The following PDE4D variants were observed in gnomAD, a reference collection of about 807,000 sequenced individuals.
PDE4D encodes 3',5'-cyclic-AMP phosphodiesterase 4D.
PDE4D carries 24 observed loss-of-function variants against 87.4 expected under a neutral mutation model. That is an observed-to-expected ratio of 0.27 (90% CI 0.20 to 0.39). The LOEUF (loss-of-function observed/expected upper bound fraction) is 0.39, where lower values mean the gene tolerates loss of function less well. Among genes scored for constraint, PDE4D ranks in the 10% least tolerant of loss-of-function variants. The pLI is 1.00. For synonymous variants in PDE4D, 384 were observed against 383.2 expected (o/e 1.00, Z -0.02); for missense variants, 714 against 1,041.0 (o/e 0.69, Z 4.32).
chr5:59,656,245 C>T (rs1283499803), intron 1 of PDE4D, among the ~76,000 whole-genome samples: 1 of 152,132 alleles, frequency 6.6e-6, no homozygotes, highest in African/African-American at 2.4e-5. Context: ...ACTTCACATA[C>T]ACATTCACAC....
chr5:59,779,635 C>A (rs1017170828), intron 1 of PDE4D, among the ~76,000 whole-genome samples: 5 of 152,198 alleles, frequency 3.3e-5, no homozygotes, highest in African/African-American at 1.2e-4. Flanking sequence ...ATTTAATGAT[C>A]AATCAGCAAT....
chr5:60,366,479 G>A (rs1242054101), intron 1 of PDE4D, among the ~76,000 whole-genome samples: 1 of 152,144 alleles, frequency 6.6e-6, no homozygotes, highest in African/African-American at 2.4e-5. Context: ...CCACTGAATT[G>A]AAATATATGT....
In PDE4D at chr5:58,974,452, C is replaced by T. The variant is rs1053064868; in HGVS notation, c.*212G>A. ...CTGAAATCTTGTTAAAAACGCTGTTCGTGAAGATGTCCACCTTGCTCGGAT... is the reference window on the plus strand; with the variant it reads ...CTGAAATCTTGTTAAAAACGCTGTTTGTGAAGATGTCCACCTTGCTCGGAT... On this transcript the variant is annotated 3_prime_UTR_variant, in exon 15 of 15. Coordinates refer to ENST00000340635, the MANE Select transcript of PDE4D (RefSeq NM_001104631.2). The T allele has an allele frequency of 2.6e-6, 1 of 385,302 alleles. No homozygotes were observed. The allele number at this position is 385,302 out of a possible 1,614,324, so 23.9% of individuals were successfully genotyped here.
intron 1 of PDE4D, among the ~76,000 whole-genome samples, chr5:59,455,643 C>T (rs1799797983): frequency 6.6e-6 from 1 of 152,204 alleles, no homozygotes; most frequent in East Asian, 1.9e-4. Flanking sequence ...GGGCTACCAT[C>T]CTCCAGATGC....
chr5:59,213,538 C>G (rs923714450), intron 2 of PDE4D, among the ~76,000 whole-genome samples: 5 of 152,090 alleles, frequency 3.3e-5, no homozygotes, highest in South Asian at 2.1e-4. Context: ...TCTCCTGGAG[C>G]CTTCCCTCAG....
chr5:59,832,480 A>T (rs1181038962), intron 1 of PDE4D, among the ~76,000 whole-genome samples: 1 of 152,106 alleles, frequency 6.6e-6, no homozygotes, highest in African/African-American at 2.4e-5. Context: ...CAGTAGCAAC[A>T]TTTACACACT....
At chr5:60,281,910 G>A (rs1751945325) in intron 1 of PDE4D, among the ~76,000 whole-genome samples, 1 of 151,874 alleles carries the variant, frequency 6.6e-6, no homozygotes, top group Non-Finnish European at 1.5e-5. Flanking sequence ...GTTGATGCAT[G>A]CCTGTAGTCC....
intron 1 of PDE4D, among the ~76,000 whole-genome samples, chr5:59,354,815 A>T (rs1219295049): frequency 6.6e-6 from 1 of 152,248 alleles, no homozygotes; most frequent in East Asian, 1.9e-4. Context: ...TACTTTATCA[A>T]ATAGGCATTA....
chr5:59,454,309 A>T (rs924856967), intron 1 of PDE4D, among the ~76,000 whole-genome samples: 1 of 152,202 alleles, frequency 6.6e-6, no homozygotes, highest in Non-Finnish European at 1.5e-5. Flanking sequence ...CGTGGGAGAA[A>T]CCTGGTAGGA....
chr5:60,045,715 G>A (rs1769144744), intron 2 of PDE4D, among the ~76,000 whole-genome samples: 1 of 152,108 alleles, frequency 6.6e-6, no homozygotes, highest in African/African-American at 2.4e-5. Context: ...CTGTTCCATT[G>A]ATCTATATGT....
intron 2 of PDE4D, among the ~76,000 whole-genome samples, chr5:60,039,620 A>C (rs1281340363): frequency 1.3e-5 from 2 of 152,120 alleles, no homozygotes; most frequent in East Asian, 3.9e-4. Flanking sequence ...AAAATAAAAA[A>C]TATAGATATA....
In PDE4D at chr5:59,354,592, T is replaced by A. The variant is rs1028941831; in HGVS notation, c.456-138624A>T. On this transcript the variant is annotated intron_variant, in intron 1 of 14. Coordinates refer to ENST00000340635, the MANE Select transcript of PDE4D (RefSeq NM_001104631.2). ...ATTTTAAGTTATATGATATGTACCT[T>A]TTTTCATTATTGTCAGTACATTGTC... Among the ~76,000 whole-genome samples the A allele has an allele frequency of 2.2e-4, 34 of 152,190 alleles. 1 individual carries two copies. Among genetic ancestry groups the A allele is most frequent in the Admixed American group, 2.2e-3 (33 of 15,276 alleles).
intron 5 of PDE4D, among the ~76,000 whole-genome samples, chr5:59,175,299 A>G (rs1334419249): frequency 2.0e-5 from 3 of 152,164 alleles, no homozygotes; most frequent in Admixed American, 6.5e-5. Flanking sequence ...AAACAAAATC[A>G]TAAATGAAAT....
chr5:59,524,480 G>A (rs910786005), intron 1 of PDE4D, among the ~76,000 whole-genome samples: 1 of 152,064 alleles, frequency 6.6e-6, no homozygotes, highest in African/African-American at 2.4e-5. Context: ...AGTATCTGGT[G>A]GAAGAAAATT....
At chr5:60,108,807 A>G (rs1486078617) in intron 2 of PDE4D, among the ~76,000 whole-genome samples, 6 of 152,176 alleles carry the variant, frequency 3.9e-5, no homozygotes, top group Non-Finnish European at 5.9e-5. Flanking sequence ...GGCTAGCCCT[A>G]TGTAGAAAGC....
rs188177154 is a variant in PDE4D, at chr5:58,982,442, G to A, written c.1553-5097C>T. Among the ~76,000 whole-genome samples, 11 of 152,314 alleles carry A rather than the reference G, an allele frequency of 7.2e-5. No homozygotes were observed. The East Asian group carries it at 2.1e-3, about 29-fold the overall frequency. On this transcript the variant is annotated intron_variant, in intron 11 of 14. Transcript: ENST00000340635. ...CATGAGCCCAGTGCAGCTCTTCTTT[G>A]CCAGTAAGGTGAGTTCCTGGTTAGA...
chr5:59,843,227 A>G (rs756673565), intron 1 of PDE4D, among the ~76,000 whole-genome samples: 2 of 152,058 alleles, frequency 1.3e-5, no homozygotes, highest in African/African-American at 2.4e-5. Context: ...TCTAATTTTA[A>G]AATACGTATT....
At chr5:59,953,127 C>T (rs1758467613) in intron 3 of PDE4D, among the ~76,000 whole-genome samples, 1 of 151,994 alleles carries the variant, frequency 6.6e-6, no homozygotes, top group Non-Finnish European at 1.5e-5. Context: ...TTTCAAAATA[C>T]TCACTAAATA....
chr5:59,788,841 A>G (rs1212124457), intron 1 of PDE4D, among the ~76,000 whole-genome samples: 1 of 152,262 alleles, frequency 6.6e-6, no homozygotes, highest in Non-Finnish European at 1.5e-5. Context: ...AGATTCCCTT[A>G]CATAGCTATA....
Sources: gnomAD v4.1 joint callset for allele counts (sites outside exome capture counted in the v4.1 genomes callset) on GRCh38, gnomAD v4.1.1 for gene constraint, MANE v1.5 for transcripts, NCBI Gene and HGNC (gene_info 2026-07-23, HGNC 2026-07-21) for gene names.